The following POC1A variants were observed in gnomAD, a reference collection of about 807,000 sequenced individuals.
The protein encoded by POC1A is POC1 centriolar protein A.
In POC1A, 34 loss-of-function variants were observed where a neutral mutation model predicts 47.8. The observed-to-expected ratio is 0.71, with a 90% CI of 0.54 to 0.95. The LOEUF (loss-of-function observed/expected upper bound fraction) is 0.95. Ranked by LOEUF, POC1A falls within the 40% of genes least tolerant of loss-of-function variation. The probability of loss-of-function intolerance (pLI) is 0.00; values close to 1 mark genes in which losing one functional copy is unlikely to be tolerated. For synonymous variants in POC1A, 177 were observed against 207.6 expected (o/e 0.85, Z 1.27); for missense variants, 466 against 528.3 (o/e 0.88, Z 1.16).
intron 9 of POC1A, among the ~76,000 whole-genome samples, chr3:52,114,970 A>G (rs1390565140): frequency 1.3e-5 from 2 of 152,170 alleles, no homozygotes; most frequent in Non-Finnish European, 2.9e-5. Context: ...TGAGAGCCAC[A>G]ACACATTAAC....
intron 6 of POC1A, among the ~76,000 whole-genome samples, chr3:52,140,637 G>A (rs934804515): frequency 6.6e-6 from 1 of 152,220 alleles, no homozygotes; most frequent in Non-Finnish European, 1.5e-5. Context: ...CCCAAGCCTG[G>A]ATAGAAACAC....
chr3:52,092,782 T>C (rs1702685305), intron 10 of POC1A, among the ~76,000 whole-genome samples: 1 of 152,190 alleles, frequency 6.6e-6, no homozygotes, highest in Admixed American at 6.5e-5. Flanking sequence ...AAAAAGGCTT[T>C]CATAAAAAAG....
At chr3:52,118,492 C>G (rs1011752361) in intron 9 of POC1A, among the ~76,000 whole-genome samples, 1 of 152,192 alleles carries the variant, frequency 6.6e-6, no homozygotes, top group Non-Finnish European at 1.5e-5. Flanking sequence ...CAAGGACAAC[C>G]TTCATTCCAA....
chr3:52,091,090 CAGA>C (rs1702629856), intron 10 of POC1A, among the ~76,000 whole-genome samples: 1 of 152,168 alleles, frequency 6.6e-6, no homozygotes, highest in Non-Finnish European at 1.5e-5. Context: ...CCAACTTTCT[CAGA>C]AGACTTGAGG....
intron 8 of POC1A, among the ~76,000 whole-genome samples, chr3:52,123,180 G>A (rs1015481307): frequency 2.0e-5 from 3 of 152,196 alleles, no homozygotes; most frequent in Non-Finnish European, 2.9e-5. Flanking sequence ...CAACACACTC[G>A]TCATCCCAAG....
At chr3:52,100,361 G>A (rs1034002180) in intron 9 of POC1A, among the ~76,000 whole-genome samples, 1 of 152,222 alleles carries the variant, frequency 6.6e-6, no homozygotes, top group East Asian at 1.9e-4. Context: ...CAAGATACAA[G>A]TATGGATAAG....
In POC1A at chr3:52,124,536, A is replaced by C. The variant is rs148354232; in HGVS notation, c.882+577T>G. Among the ~76,000 whole-genome samples, 300 of 152,340 alleles carry C rather than the reference A, an allele frequency of 2.0e-3. 2 individuals carry two copies. Among genetic ancestry groups the C allele is most frequent in the African/African-American group, 6.7e-3 (279 of 41,576 alleles). The stretch of plus-strand genomic sequence containing the variant: ...AACAGTGTCCAAGGGGGCTGGGAGC[A>C]AAGAGCAGCAGATGACAGAGCAGAG... On this transcript the variant is annotated intron_variant, in intron 8 of 10. Coordinates refer to ENST00000296484, the MANE Select transcript of POC1A (RefSeq NM_015426.5).
chr3:52,153,002 T>C (rs748000286), intron 1 of POC1A, among the ~76,000 whole-genome samples: 15 of 152,120 alleles, frequency 9.9e-5, no homozygotes, highest in Non-Finnish European at 1.5e-4. Flanking sequence ...TTGCCAAGGG[T>C]TGGGAGAAAA....
rs1003393913 is a variant in POC1A at position 52,075,805 on chromosome 3, C to T, written c.*82G>A. 4.3e-5 allele frequency: 45 copies of T among 1,043,436 alleles called. No individual in the cohort carries two copies. Among genetic ancestry groups the T allele is most frequent in the Non-Finnish European group, 6.1e-5 (41 of 667,294 alleles). 64.6% of individuals were successfully genotyped at this position (1,043,436 alleles called of 1,614,324 possible). ...TGTGATTCCCACAGAGTTCAGTCCC[C>T]TTTATTTACCCAAGTCCCATGGTAC... On this transcript the variant is annotated 3_prime_UTR_variant, in exon 11 of 11. Transcript: ENST00000296484.
At chr3:52,138,136 C>T (rs1231691257) in intron 7 of POC1A, 33 bp downstream of exon 7, 1 of 1,612,878 alleles carries the variant, frequency 6.2e-7, no homozygotes, top group African/African-American at 1.3e-5. Context: ...ACCACCACTC[C>T]ACACCACTCA....
At chr3:52,116,160 C>A (rs1208951461) in intron 9 of POC1A, among the ~76,000 whole-genome samples, 1 of 152,196 alleles carries the variant, frequency 6.6e-6, no homozygotes, top group African/African-American at 2.4e-5. Flanking sequence ...CCAGGACCCC[C>A]AGATCCAAAG....
intron 10 of POC1A, among the ~76,000 whole-genome samples, chr3:52,088,531 T>C (rs1467318635): frequency 1.3e-5 from 2 of 152,122 alleles, no homozygotes; most frequent in Non-Finnish European, 2.9e-5. Flanking sequence ...ACTACAGCCC[T>C]TCCTGGCCCT....
At chr3:52,115,428 A>G (rs1447692602) in intron 9 of POC1A, among the ~76,000 whole-genome samples, 2 of 152,164 alleles carry the variant, frequency 1.3e-5, no homozygotes, top group African/African-American at 4.8e-5. Flanking sequence ...TTGAACCCAC[A>G]CTTCTCCCCT....
At chr3:52,102,577 T>C (rs187665780) in intron 9 of POC1A, among the ~76,000 whole-genome samples, 155 of 152,360 alleles carry the variant, frequency 1.0e-3, no homozygotes, top group African/African-American at 3.5e-3. Context: ...CTTAATTACA[T>C]CCACAAAGAT....
intron 7 of POC1A, among the ~76,000 whole-genome samples, chr3:52,128,518 C>T (rs912327345): frequency 6.6e-6 from 1 of 152,170 alleles, no homozygotes. Flanking sequence ...GTACCTTCCA[C>T]GAAGGCTCCT....
Position 52,150,387 on chromosome 3 carries a change from C to T in POC1A, c.104-400G>A, listed in dbSNP as rs59496419. Reference sequence around the variant, plus strand: ...GAGAGGGCCCAACTCAGTATGAAGCCTAAAGGAGGTCCCCAAAACTGATCA... The same window carrying T: ...GAGAGGGCCCAACTCAGTATGAAGCTTAAAGGAGGTCCCCAAAACTGATCA... On this transcript the variant is annotated intron_variant, in intron 2 of 10. Coordinates refer to ENST00000296484, the MANE Select transcript of POC1A (RefSeq NM_015426.5). Among the ~76,000 whole-genome samples the T allele has an allele frequency of 4.4e-4, 67 of 152,306 alleles. No individual in the cohort carries two copies. In the East Asian group the frequency reaches 0.013, roughly 29 times the overall value.
chr3:52,085,527 G>A (rs774882950), intron 10 of POC1A, among the ~76,000 whole-genome samples: 3 of 143,766 alleles, frequency 2.1e-5, no homozygotes, highest in African/African-American at 7.5e-5. Context: ...GCCCAACCCC[G>A]CCCACCTGAG....
chr3:52,123,785 C>T (rs1243351349), intron 8 of POC1A, among the ~76,000 whole-genome samples: 1 of 152,188 alleles, frequency 6.6e-6, no homozygotes, highest in Non-Finnish European at 1.5e-5. Context: ...CTGATGGCAG[C>T]GCTGCTGGAC....
At chr3:52,104,566 C>T (rs1703108836) in intron 9 of POC1A, among the ~76,000 whole-genome samples, 1 of 152,246 alleles carries the variant, frequency 6.6e-6, no homozygotes. Context: ...ACAGTTGACA[C>T]CGTCCATCAC....
Sources: allele counts gnomAD v4.1 joint callset (sites outside exome capture counted in the v4.1 genomes callset), GRCh38; gene constraint gnomAD v4.1.1; transcripts MANE v1.5; gene names NCBI Gene and HGNC (gene_info 2026-07-23, HGNC 2026-07-21).